The following ZNF558 variants were observed in gnomAD, a reference collection of about 807,000 sequenced individuals.
The protein encoded by ZNF558 is zinc finger protein 558.
Under a neutral mutation model 37.6 loss-of-function variants are expected in ZNF558, and 23 were observed. That is an observed-to-expected ratio of 0.61 (90% CI 0.44 to 0.87). The LOEUF (loss-of-function observed/expected upper bound fraction) is 0.87. Ranked by LOEUF, ZNF558 falls within the 40% of genes least tolerant of loss-of-function variation. The probability of loss-of-function intolerance (pLI) is 0.00; values close to 1 mark genes in which losing one functional copy is unlikely to be tolerated. For missense variants in ZNF558, 429 were observed against 483.7 expected, an observed-to-expected ratio of 0.89 and a Z score of 1.06; for synonymous variants, 189 against 174.4, an observed-to-expected ratio of 1.08 and a Z score of -0.66.
intron 7 of ZNF558, among the ~76,000 whole-genome samples, chr19:8,820,623 G>A (rs1370608130): frequency 6.6e-6 from 1 of 151,716 alleles, no homozygotes; most frequent in Non-Finnish European, 1.5e-5. Context: ...CTGGGGATAG[G>A]TGTGTGCCAC....
intron 2 of ZNF558, among the ~76,000 whole-genome samples, chr19:8,826,962 A>G (rs1267297688): frequency 6.6e-6 from 1 of 152,136 alleles, no homozygotes; most frequent in African/African-American, 2.4e-5. Context: ...ATGTGCAGGT[A>G]GGCACACAGT....
chr19:8,836,391 CTCCTCCTCCTTG>C (rs2044455690), upstream of ZNF558, among the ~76,000 whole-genome samples: 1 of 151,522 alleles, frequency 6.6e-6, no homozygotes, highest in African/African-American at 2.4e-5. Flanking sequence ...CCTCCCCTTC[CTCCTCCTCCTTG>C]TCCTCCTCCT....
chr19:8,823,262 CCCT>C (rs1193875668), intron 4 of ZNF558, among the ~76,000 whole-genome samples: 2 of 151,738 alleles, frequency 1.3e-5, no homozygotes, highest in African/African-American at 4.8e-5. Flanking sequence ...AACCCAACCT[CCCT>C]CCTCAACTTC....
intron 7 of ZNF558, 68 bp downstream of exon 7, chr19:8,821,112 A>G: frequency 6.4e-7 from 1 of 1,565,322 alleles, no homozygotes. Flanking sequence ...CAATAAAAAA[A>G]GTAAGCAAAG....
chr19:8,815,344 G>C (rs1372552545), intron 7 of ZNF558, among the ~76,000 whole-genome samples: 1 of 152,086 alleles, frequency 6.6e-6, no homozygotes, highest in Admixed American at 6.6e-5. Context: ...TTAAGAGACA[G>C]AAACTTTAGG....
chr19:8,833,995 AAAAC>A (rs2044423054), upstream of ZNF558, among the ~76,000 whole-genome samples: 1 of 105,006 alleles, frequency 9.5e-6, no homozygotes. Flanking sequence ...CTCAAAAAAC[AAAAC>A]AAAACAAAAA....
rs957053132 is a variant in ZNF558, at chr19:8,822,220, T to C, written c.32-129A>G. 2 of 1,081,120 alleles carry C rather than the reference T, an allele frequency of 1.8e-6. No individual in the cohort carries two copies. The highest frequency in any genetic ancestry group is 4.9e-5 in the Admixed American group (2 of 40,902). 67.0% of individuals were successfully genotyped at this position (1,081,120 alleles called of 1,614,324 possible). ...CCACACAGTGCCCACCTACGCTCCATGCAAACACCTACCCACAGCTCTCCT... is the reference window on the plus strand; with the variant it reads ...CCACACAGTGCCCACCTACGCTCCACGCAAACACCTACCCACAGCTCTCCT... On this transcript the variant is annotated intron_variant, in intron 5 of 9. Coordinates refer to ENST00000601372, the MANE Select transcript of ZNF558 (RefSeq NM_144693.3). This position sits in a 1 kb window ranked among gnomAD's most constrained non-coding sequence, Gnocchi z 4.4.
chr19:8,828,917 C>T (rs142480535), intron 2 of ZNF558, among the ~76,000 whole-genome samples: 1 of 147,732 alleles, frequency 6.8e-6, no homozygotes, highest in African/African-American at 2.5e-5. Flanking sequence ...GAGCTGAGAT[C>T]GTGCCATTGC....
chr19:8,812,390 C>T (rs780135436), intron 9 of ZNF558, among the ~76,000 whole-genome samples, 171 bp downstream of exon 9: 1 of 152,180 alleles, frequency 6.6e-6, no homozygotes, highest in Admixed American at 6.5e-5. Context: ...TTGGAGCTAA[C>T]TCACACTTCT....
intron 7 of ZNF558, among the ~76,000 whole-genome samples, chr19:8,813,778 C>T (rs933666561): frequency 5.3e-5 from 8 of 152,208 alleles, no homozygotes; most frequent in African/African-American, 1.9e-4. Flanking sequence ...AAGGCCATGC[C>T]TGAGTTCAAA....
intron 2 of ZNF558, among the ~76,000 whole-genome samples, chr19:8,830,619 C>T (rs564102094): frequency 1.3e-5 from 2 of 152,192 alleles, no homozygotes; most frequent in East Asian, 1.9e-4. Context: ...CAGCTGGGTG[C>T]GGTGGCTCTT....
At chr19:8,836,925 A>G (rs541216248), upstream of ZNF558, among the ~76,000 whole-genome samples, 3 of 152,384 alleles carry the variant, frequency 2.0e-5, no homozygotes, top group African/African-American at 7.2e-5. Context: ...TAAATAAGCA[A>G]AAGATGAACA....
chr19:8,823,201 C>T (rs2044137633), intron 4 of ZNF558, among the ~76,000 whole-genome samples: 1 of 152,014 alleles, frequency 6.6e-6, no homozygotes, highest in Admixed American at 6.5e-5. Flanking sequence ...TGGTCATCAC[C>T]GGGCACTGTC....
chr19:8,818,406 C>T (rs906224608), intron 7 of ZNF558, among the ~76,000 whole-genome samples: 9 of 152,010 alleles, frequency 5.9e-5, no homozygotes, highest in Admixed American at 1.3e-4. Flanking sequence ...GAGCCGAGAT[C>T]GCACCACTGC....
chr19:8,837,007 A>C (rs563294530), upstream of ZNF558, among the ~76,000 whole-genome samples: 30 of 152,354 alleles, frequency 2.0e-4, no homozygotes, highest in African/African-American at 7.0e-4. Context: ...ACAACTGCCC[A>C]ATACTCTAAT....
rs1335738761 is a variant in ZNF558 at position 8,820,454 on chromosome 19, C to G, written c.247+726G>C. 2.6e-5 allele frequency among the ~76,000 whole-genome samples: 4 copies of G among 152,134 alleles called. No individual in the cohort carries two copies. In the East Asian group the frequency reaches 7.7e-4, roughly 29 times the overall value. The stretch of plus-strand genomic sequence containing the variant: ...TCATTCAGTCATAAGGAATGAAGCG[C>G]TGGTACAACATACAACATAGCTAAG... On this transcript the variant is annotated intron_variant, in intron 7 of 9. Coordinates refer to ENST00000601372, the MANE Select transcript of ZNF558 (RefSeq NM_144693.3).
In ZNF558 at chr19:8,811,453, T is replaced by C. The variant is rs782437013; in HGVS notation, c.1037A>G (p.Lys346Arg). ...TVHKRIHTGE[K>R]PYECSDCGKA... The stretch of plus-strand genomic sequence containing the variant: ...TCCACAGTCACTGCACTCGTAGGGT[T>C]TCTCTCCGGTATGTATTCTCTTGTG... The change falls in exon 10 of 10, where the codon AAA (lysine) becomes AGA (arginine). Residue 346 changes from lysine to arginine, a missense_variant. Physicochemically the swap from Lys to Arg is conservative, Grantham distance 26 (BLOSUM62 2). Transcript: ENST00000601372. The C allele has an allele frequency of 3.1e-6, 5 of 1,614,100 alleles. No individual in the cohort carries two copies. Among genetic ancestry groups the C allele is most frequent in the Non-Finnish European group, 8.5e-7 (1 of 1,179,996 alleles).
chr19:8,815,270 A>C (rs1299795892), intron 7 of ZNF558, among the ~76,000 whole-genome samples: 1 of 152,216 alleles, frequency 6.6e-6, no homozygotes, highest in Admixed American at 6.5e-5. Flanking sequence ...AATTTTCATC[A>C]AATGAAAAAC....
At chr19:8,815,832 A>T (rs1437754813) in intron 7 of ZNF558, among the ~76,000 whole-genome samples, 1 of 151,986 alleles carries the variant, frequency 6.6e-6, no homozygotes, top group Non-Finnish European at 1.5e-5. Context: ...TGTGAGTTTT[A>T]AAAAAGATGA....
Sources: allele counts gnomAD v4.1 joint callset (sites outside exome capture counted in the v4.1 genomes callset), GRCh38; gene constraint gnomAD v4.1.1; non-coding constraint Gnocchi (gnomAD v3.1); transcripts MANE v1.5; gene names NCBI Gene and HGNC (gene_info 2026-07-23, HGNC 2026-07-21).